The following H2AZ2 variants were observed in gnomAD, a reference collection of about 807,000 sequenced individuals.
H2AZ2 encodes H2A.Z variant histone 2.
Under a neutral mutation model 15.5 loss-of-function variants are expected in H2AZ2, and 5 were observed. The ratio of observed to expected loss-of-function variants is 0.32; its 90% CI spans 0.17 to 0.68. H2AZ2 has a LOEUF of 0.68. Ranked by LOEUF, H2AZ2 falls within the 30% of genes least tolerant of loss-of-function variation. H2AZ2 has a pLI of 0.72. For synonymous variants in H2AZ2, 44 were observed against 57.4 expected (o/e 0.77, Z 1.05); for missense variants, 42 against 162.5 (o/e 0.26, Z 4.03).
At chr7:44,835,688 AT>A (rs1471571458) in intron 3 of H2AZ2, 30 bp from the exon 4 acceptor site, 1 of 1,550,424 alleles carries the variant, frequency 6.4e-7, no homozygotes, top group African/African-American at 1.4e-5. Context: ...AGCATATCAA[AT>A]GAAGGACCTA....
intron 3 of H2AZ2, among the ~76,000 whole-genome samples, chr7:44,836,009 G>C (rs907207932): frequency 2.0e-5 from 3 of 149,684 alleles, no homozygotes; most frequent in African/African-American, 7.4e-5. Flanking sequence ...GCCTAGGCTG[G>C]AGTGCAGTGG....
intron 4 of H2AZ2, chr7:44,835,295 T>C (rs376072437): frequency 1.6e-5 from 7 of 434,502 alleles, no homozygotes; most frequent in African/African-American, 1.2e-4. Flanking sequence ...TTAAGTATCA[T>C]ATGAAATTTA....
At position 44,848,061 on chromosome 7, in the gene H2AZ2, C is replaced by T. The variant is rs1314685375; in HGVS notation, c.-90G>A. ...CCGCCGCTCTCGCAGCACCGACCGC[C>T]GCCGCCGGAGCCGGACAATACCCCG... is the stretch of plus-strand genomic sequence containing the variant. On this transcript the variant is annotated 5_prime_UTR_variant, in exon 1 of 5. Transcript: ENST00000308153. 7 of 807,414 alleles carry T rather than the reference C, an allele frequency of 8.7e-6. No individual in the cohort carries two copies. Among genetic ancestry groups the T allele is most frequent in the African/African-American group, 5.4e-5 (3 of 55,094 alleles). 50.0% of individuals were successfully genotyped at this position (807,414 alleles called of 1,614,324 possible). A position where few individuals can be genotyped will look rare whatever the true frequency, so the allele number is the denominator to read the frequency against.
chr7:44,842,334 C>A (rs1793293667), intron 2 of H2AZ2, among the ~76,000 whole-genome samples: 1 of 152,222 alleles, frequency 6.6e-6, no homozygotes, highest in Non-Finnish European at 1.5e-5. Flanking sequence ...ATCCATTTTA[C>A]ATAAATGATC....
chr7:44,838,497 AC>A (rs1046581187), intron 3 of H2AZ2, among the ~76,000 whole-genome samples: 1 of 152,028 alleles, frequency 6.6e-6, no homozygotes, highest in Non-Finnish European at 1.5e-5. Context: ...CAAGAAAATA[AC>A]AAAAATTAGC....
At chr7:44,830,514 A>T (rs912752711), downstream of H2AZ2, among the ~76,000 whole-genome samples, 5 of 151,966 alleles carry the variant, frequency 3.3e-5, no homozygotes, top group African/African-American at 1.2e-4. Flanking sequence ...TCCCCACTGG[A>T]CTCTTCCCAA....
At chr7:44,831,005 GAACA>G (rs1352945842), downstream of H2AZ2, among the ~76,000 whole-genome samples, 4 of 151,758 alleles carry the variant, frequency 2.6e-5, no homozygotes, top group Admixed American at 6.6e-5. Flanking sequence ...AAAAACAAAA[GAACA>G]AACAAACATT....
chr7:44,833,273 GC>G lies in H2AZ2; in HGVS notation c.*1227del, dbSNP rs1487322530. Among the ~76,000 whole-genome samples the G allele has an allele frequency of 6.6e-6, 1 of 151,850 alleles. No individual in the cohort carries two copies. The highest frequency in any genetic ancestry group is 1.5e-5 in the Non-Finnish European group (1 of 67,960). On this transcript the variant is annotated 3_prime_UTR_variant, in exon 5 of 5. Coordinates refer to ENST00000308153, the MANE Select transcript of H2AZ2 (RefSeq NM_012412.5). ...TTTTGAGAGGGAGTCTTGCTCAGTC[GC>G]CAAGCTGGAGTGCAGTGGCGCCATC...
At chr7:44,839,246 T>C (rs1429305026) in intron 3 of H2AZ2, among the ~76,000 whole-genome samples, 1 of 152,206 alleles carries the variant, frequency 6.6e-6, no homozygotes, top group Non-Finnish European at 1.5e-5. Flanking sequence ...AAATACTGTC[T>C]ACTGATTACA....
At chr7:44,838,426 A>G (rs1477969182) in intron 3 of H2AZ2, among the ~76,000 whole-genome samples, 3 of 152,010 alleles carry the variant, frequency 2.0e-5, no homozygotes, top group African/African-American at 7.2e-5. Flanking sequence ...TGGGGCGGAC[A>G]GATCATTTGA....
At chr7:44,828,628 A>G (rs1792957976), downstream of H2AZ2, 1 of 152,230 alleles carries the variant, frequency 6.6e-6, no homozygotes, top group African/African-American at 2.4e-5. Context: ...AGAATTACAA[A>G]GCCCAACTCT....
chr7:44,841,078 G>A, intron 2 of H2AZ2, 66 bp from the exon 3 acceptor site: 1 of 1,181,832 alleles, frequency 8.5e-7, no homozygotes, highest in South Asian at 1.3e-5. Context: ...TGTAATCAAA[G>A]GCTGAACAAT....
At chr7:44,836,576 G>A (rs913554174) in intron 3 of H2AZ2, among the ~76,000 whole-genome samples, 5 of 151,660 alleles carry the variant, frequency 3.3e-5, no homozygotes, top group African/African-American at 4.9e-5. Flanking sequence ...GCAGTGCAAC[G>A]GTGTGATCTC....
chr7:44,834,643 A>G, intron 4 of H2AZ2, 81 bp from the exon 5 acceptor site: 1 of 1,300,304 alleles, frequency 7.7e-7, no homozygotes, highest in Non-Finnish European at 1.1e-6. Flanking sequence ...AAAAAATGAA[A>G]TTTACTTAAG....
Position 44,832,828 on chromosome 7 carries a change from T to C in H2AZ2, c.*1673A>G, listed in dbSNP as rs1175571837. 6.6e-6 allele frequency among the ~76,000 whole-genome samples: 1 copy of C among 152,100 alleles called. No individual in the cohort carries two copies. The highest frequency in any genetic ancestry group is 2.4e-5 in the African/African-American group (1 of 41,422). Reference sequence around the variant, plus strand: ...AGCCAGGTATGGTGGCATGTGCCTGTGGTCCCAGCTATTTGCAGGGCTGAG... The same window carrying C: ...AGCCAGGTATGGTGGCATGTGCCTGCGGTCCCAGCTATTTGCAGGGCTGAG... On this transcript the variant is annotated 3_prime_UTR_variant, in exon 5 of 5. Coordinates refer to ENST00000308153, the MANE Select transcript of H2AZ2 (RefSeq NM_012412.5).
downstream of H2AZ2, chr7:44,828,147 A>G (rs1203671594): frequency 6.6e-6 from 1 of 152,178 alleles, no homozygotes; most frequent in Non-Finnish European, 1.5e-5. Context: ...AACAATACAT[A>G]TGGCTGTGTC....
chr7:44,846,062 C>CACACACACAGAGAGAGAGAG (rs57468916), intron 1 of H2AZ2, among the ~76,000 whole-genome samples: 81 of 75,134 alleles, frequency 1.1e-3, no homozygotes, highest in Non-Finnish European at 2.3e-3. Context: ...CACACACACA[C>CACACACACAGAGAGAGAGAG]AGAGAGAGAC....
intron 3 of H2AZ2, among the ~76,000 whole-genome samples, chr7:44,839,728 C>T (rs1026004309): frequency 1.3e-5 from 2 of 151,680 alleles, no homozygotes; most frequent in Admixed American, 6.6e-5. Flanking sequence ...TAGCACCCAG[C>T]GCAGTGGCTC....
At chr7:44,837,171 G>A (rs184108278) in intron 3 of H2AZ2, among the ~76,000 whole-genome samples, 149 of 151,706 alleles carry the variant, frequency 9.8e-4, no homozygotes, top group South Asian at 2.3e-3. Context: ...CAAAGTGTTG[G>A]GATTACAGAC....
Sources: gnomAD v4.1 joint callset for allele counts (sites outside exome capture counted in the v4.1 genomes callset) on GRCh38, gnomAD v4.1.1 for gene constraint, MANE v1.5 for transcripts, NCBI Gene and HGNC (gene_info 2026-07-23, HGNC 2026-07-21) for gene names.